Variants in PPEF1 observed in about 807,000 individuals in gnomAD.
The protein encoded by PPEF1 is protein phosphatase with EF-hand domain 1.
PPEF1 carries 12 observed loss-of-function variants against 53.3 expected under a neutral mutation model. The observed-to-expected ratio is 0.23, with a 90% CI of 0.14 to 0.36. PPEF1 has a LOEUF of 0.36. Among genes scored for constraint, PPEF1 ranks in the 10% least tolerant of loss-of-function variants. The pLI, the probability that PPEF1 is intolerant of heterozygous loss-of-function variation, is 1.00. For missense variants in PPEF1, 334 were observed against 490.4 expected (o/e 0.68, Z 3.01); for synonymous variants, 165 against 176.7 (o/e 0.93, Z 0.52).
intron 13 of PPEF1, among the ~76,000 whole-genome samples, chrX:18,821,804 A>AGAGAGAGAGAG (rs1569273883): frequency 8.7e-5 from 6 of 68,644 alleles, no homozygotes; most frequent in Admixed American, 3.2e-4. Flanking sequence ...AGAGAGAGAG[A>AGAGAGAGAGAG]AAACAAATAA....
At chrX:18,789,369 G>A in intron 10 of PPEF1, 96 bp downstream of exon 10, 11 of 833,296 alleles carry the variant, frequency 1.3e-5, no homozygotes, top group Non-Finnish European at 1.9e-5. Context: ...TTACCTTTAC[G>A]AGGAGACCAC....
intron 5 of PPEF1, among the ~76,000 whole-genome samples, chrX:18,759,541 G>T (rs1054316416): frequency 9.0e-6 from 1 of 111,509 alleles, no homozygotes; most frequent in Non-Finnish European, 1.9e-5. Context: ...TGTTGGCAGT[G>T]GAAATATCTT....
In PPEF1 at chrX:18,699,481, G is replaced by C. The variant is rs1291580744; in HGVS notation, c.-225-852G>C. Among the ~76,000 whole-genome samples the C allele has an allele frequency of 2.7e-5, 3 of 111,887 alleles. No individual in the cohort carries two copies. The Admixed American group carries it at 2.9e-4, about 11-fold the overall frequency. ...CTGTGTCACCAGCTAGGAAGAGTTTGCCAGGGAAACTGCTGGCAGCGCGGC... is the reference window on the plus strand; with the variant it reads ...CTGTGTCACCAGCTAGGAAGAGTTTCCCAGGGAAACTGCTGGCAGCGCGGC... On this transcript the variant is annotated intron_variant, in intron 5 of 21. Transcript: ENST00000361511.
intron 9 of PPEF1, among the ~76,000 whole-genome samples, chrX:18,787,717 C>T (rs192001999): frequency 1.9e-4 from 19 of 98,841 alleles, no homozygotes; most frequent in African/African-American, 6.1e-4. Context: ...ACCAGAAGTT[C>T]GAGACCAGCC....
intron 3 of PPEF1, among the ~76,000 whole-genome samples, chrX:18,745,433 A>G (rs1460011007): frequency 2.8e-5 from 3 of 106,313 alleles, no homozygotes; most frequent in Non-Finnish European, 5.8e-5. Context: ...CTTGTCTCGA[A>G]CTCCTGGACT....
At chrX:18,790,610 T>C (rs921711160) in intron 10 of PPEF1, among the ~76,000 whole-genome samples, 1 of 112,058 alleles carries the variant, frequency 8.9e-6, no homozygotes, top group Non-Finnish European at 1.9e-5. Flanking sequence ...AGGTGTCTGA[T>C]CCATTTTGAG....
chrX:18,745,887 A>G (rs2045319906), intron 3 of PPEF1, among the ~76,000 whole-genome samples: 1 of 112,368 alleles, frequency 8.9e-6, no homozygotes, highest in African/African-American at 3.2e-5. Context: ...AAACAAAAAT[A>G]ACTATAAATG....
At chrX:18,812,966 C>T (rs1276506985) in intron 12 of PPEF1, among the ~76,000 whole-genome samples, 1 of 111,213 alleles carries the variant, frequency 9.0e-6, no homozygotes, top group African/African-American at 3.3e-5. Context: ...TCTCGAACTC[C>T]TGGGCTCAAG....
intron 4 of PPEF1, among the ~76,000 whole-genome samples, chrX:18,753,385 T>G (rs2045483118): frequency 8.9e-6 from 1 of 112,080 alleles, no homozygotes; most frequent in Non-Finnish European, 1.9e-5. Flanking sequence ...CATTTTCTCT[T>G]TTTTTCTTAG....
At chrX:18,822,759 G>A (rs1212911004) in intron 13 of PPEF1, among the ~76,000 whole-genome samples, 1 of 110,939 alleles carries the variant, frequency 9.0e-6, no homozygotes, top group Non-Finnish European at 1.9e-5. Flanking sequence ...TAAATGGGTG[G>A]GTATTACTGT....
intron 9 of PPEF1, among the ~76,000 whole-genome samples, chrX:18,786,558 G>A (rs748588434): frequency 9.1e-6 from 1 of 110,485 alleles, no homozygotes; most frequent in Non-Finnish European, 1.9e-5. Context: ...TGAGGTGGGC[G>A]GATCACTTGA....
chrX:18,728,244 TAA>T (rs773140247), intron 1 of PPEF1, among the ~76,000 whole-genome samples: 3 of 110,959 alleles, frequency 2.7e-5, no homozygotes, highest in Non-Finnish European at 3.8e-5. Flanking sequence ...ACACTGCTGA[TAA>T]AGACATAACC....
chrX:18,768,948 G>A (rs1268572723), intron 6 of PPEF1, among the ~76,000 whole-genome samples: 2 of 112,405 alleles, frequency 1.8e-5, no homozygotes, highest in African/African-American at 3.2e-5. Context: ...AATTTAGTAA[G>A]TGCCTAAATC....
chrX:18,816,928 G>A (rs2046928163), intron 12 of PPEF1, among the ~76,000 whole-genome samples: 1 of 111,517 alleles, frequency 9.0e-6, no homozygotes, highest in African/African-American at 3.3e-5. Flanking sequence ...AGACTAAAGT[G>A]TGTCTCCTAT....
chrX:18,826,417 C>CTTTTTTTTTTTTT (rs58697941), intron 15 of PPEF1, among the ~76,000 whole-genome samples: 2 of 24,626 alleles, frequency 8.1e-5, no homozygotes, highest in African/African-American at 4.1e-4. Context: ...TCATTTTCTG[C>CTTTTTTTTTTTTT]TTTTTTTTTT....
At chrX:18,723,521 A>G (rs915808304) in intron 1 of PPEF1, among the ~76,000 whole-genome samples, 3 of 112,060 alleles carry the variant, frequency 2.7e-5, no homozygotes, top group African/African-American at 3.2e-5. Context: ...CACCCCTAGA[A>G]GGTGTTCATT....
chrX:18,750,643 C>T (rs2045424066), intron 4 of PPEF1, among the ~76,000 whole-genome samples: 1 of 111,546 alleles, frequency 9.0e-6, no homozygotes, highest in Non-Finnish European at 1.9e-5. Flanking sequence ...AACATGTGTT[C>T]TCAGTTCTCT....
At chrX:18,791,115 G>A (rs920451290) in intron 10 of PPEF1, among the ~76,000 whole-genome samples, 3 of 112,172 alleles carry the variant, frequency 2.7e-5, no homozygotes, top group African/African-American at 9.7e-5. Flanking sequence ...CCTTATGTCA[G>A]TACTGTACAA....
chrX:18,733,208 A>G (rs964230578), intron 2 of PPEF1, among the ~76,000 whole-genome samples: 3 of 111,430 alleles, frequency 2.7e-5, no homozygotes, highest in African/African-American at 9.8e-5. Context: ...CTCCATCTTA[A>G]AAAAAAGAAA....
Sources: gnomAD v4.1 joint callset for allele counts (sites outside exome capture counted in the v4.1 genomes callset) on GRCh38, gnomAD v4.1.1 for gene constraint, MANE v1.5 for transcripts, NCBI Gene and HGNC (gene_info 2026-07-23, HGNC 2026-07-21) for gene names.